Variants in CERS6 observed in about 807,000 individuals in gnomAD.
CERS6 encodes the protein ceramide synthase 6, also known as LAG1 homolog, ceramide synthase 6.
A neutral mutation model predicts 56.8 loss-of-function variants in CERS6; 26 were observed. The observed-to-expected ratio is 0.46, with a 90% CI of 0.34 to 0.63. CERS6 has a LOEUF of 0.63. Ranked by LOEUF, CERS6 falls within the 30% of genes least tolerant of loss-of-function variation. CERS6 has a pLI of 0.01. For missense variants in CERS6, 415 were observed against 467.5 expected (o/e 0.89, Z 1.04); for synonymous variants, 164 against 173.3 (o/e 0.95, Z 0.42).
chr2:168,534,105 T>A (rs1167334026), intron 1 of CERS6, among the ~76,000 whole-genome samples: 1 of 152,094 alleles, frequency 6.6e-6, no homozygotes, highest in East Asian at 1.9e-4. Context: ...GTTATTCTAG[T>A]TAGCAGCTCC....
chr2:168,577,105 A>G (rs780210281), intron 3 of CERS6, among the ~76,000 whole-genome samples: 1 of 152,154 alleles, frequency 6.6e-6, no homozygotes, highest in Non-Finnish European at 1.5e-5. Flanking sequence ...GTTGGTGAAT[A>G]GATAGTGTGT....
chr2:168,594,385 G>A (rs1341237165), intron 3 of CERS6, among the ~76,000 whole-genome samples: 2 of 152,156 alleles, frequency 1.3e-5, no homozygotes, highest in Non-Finnish European at 2.9e-5. Context: ...AGGAGTTTGA[G>A]ACCAGCCTGT....
intron 1 of CERS6, among the ~76,000 whole-genome samples, chr2:168,541,059 G>A (rs1695358949): frequency 6.6e-6 from 1 of 152,240 alleles, no homozygotes; most frequent in Non-Finnish European, 1.5e-5. Context: ...GATGGAAGGT[G>A]AAGGGGAGCT....
chr2:168,724,025 T>C (rs1683265779), intron 8 of CERS6, among the ~76,000 whole-genome samples: 1 of 152,208 alleles, frequency 6.6e-6, no homozygotes, highest in East Asian at 1.9e-4. Flanking sequence ...AATTGGTGGG[T>C]TCTTGGTCTC....
At chr2:168,713,145 T>G (rs1687135977) in intron 6 of CERS6, among the ~76,000 whole-genome samples, 1 of 152,150 alleles carries the variant, frequency 6.6e-6, no homozygotes, top group Non-Finnish European at 1.5e-5. Context: ...TAGTAAATGC[T>G]CAATCACTAT....
chr2:168,533,570 G>T (rs76755815), intron 1 of CERS6, among the ~76,000 whole-genome samples: 3,092 of 152,264 alleles, frequency 0.02, 119 homozygotes, highest in East Asian at 0.18. Context: ...ATGAGTTTCT[G>T]CTGAAAGATC....
At chr2:168,718,534 C>A (rs552214099) in intron 8 of CERS6, among the ~76,000 whole-genome samples, 7 of 152,306 alleles carry the variant, frequency 4.6e-5, no homozygotes, top group Non-Finnish European at 5.9e-5. Context: ...CTAGATAATT[C>A]TTTTCATTAG....
In CERS6 at chr2:168,773,766, G is replaced by C. The variant is rs1018374267; in HGVS notation, c.*4104G>C. 2 of 152,186 alleles carry C rather than the reference G, an allele frequency of 1.3e-5. No homozygotes were observed. Among genetic ancestry groups the C allele is most frequent in the Non-Finnish European group, 2.9e-5 (2 of 68,052 alleles). The allele number at this position is 152,186 out of a possible 1,614,324, so 9.4% of individuals were successfully genotyped here. ...AATTGTGCCATTGTCAAAGTACCCC[G>C]TAGTGATGAGCACTGACTGGTTCAC... On this transcript the variant is annotated 3_prime_UTR_variant, in exon 10 of 10. Coordinates refer to ENST00000305747, the MANE Select transcript of CERS6 (RefSeq NM_203463.3).
At chr2:168,459,610 A>C (rs981488136) in intron 1 of CERS6, among the ~76,000 whole-genome samples, 1 of 151,522 alleles carries the variant, frequency 6.6e-6, no homozygotes, top group Non-Finnish European at 1.5e-5. Flanking sequence ...CGACCAATTG[A>C]TTGACAGAGT....
Position 168,666,716 on chromosome 2 carries a change from T to C in CERS6, c.466-24318T>C, listed in dbSNP as rs570511955. ...ACTGTGTCTTTATAAAGGGCCTGCA[T>C]TGAGAACCCACATTGAGAAGCAGTT... On this transcript the variant is annotated intron_variant, in intron 4 of 9. Transcript: ENST00000305747. Among the ~76,000 whole-genome samples the C allele has an allele frequency of 5.0e-4, 76 of 152,362 alleles. No homozygotes were observed. In the Middle Eastern group the frequency reaches 0.01, roughly 20 times the overall value.
At chr2:168,593,538 G>T (rs1247698730) in intron 3 of CERS6, among the ~76,000 whole-genome samples, 1 of 151,942 alleles carries the variant, frequency 6.6e-6, no homozygotes, top group Non-Finnish European at 1.5e-5. Context: ...GTTTTGTTTT[G>T]TTTTGTTTTG....
At chr2:168,486,283 CTT>C (rs1156284746) in intron 1 of CERS6, among the ~76,000 whole-genome samples, 1 of 152,080 alleles carries the variant, frequency 6.6e-6, no homozygotes, top group African/African-American at 2.4e-5. Flanking sequence ...GATTTTCTCT[CTT>C]GTCCTTTTAT....
At chr2:168,673,451 C>G (rs1011669270) in intron 4 of CERS6, among the ~76,000 whole-genome samples, 1 of 152,192 alleles carries the variant, frequency 6.6e-6, no homozygotes, top group Non-Finnish European at 1.5e-5. Flanking sequence ...TGTCAAGTTT[C>G]CATTCGTGGG....
At chr2:168,753,636 T>A (rs1684338041) in intron 8 of CERS6, among the ~76,000 whole-genome samples, 1 of 152,242 alleles carries the variant, frequency 6.6e-6, no homozygotes, top group Non-Finnish European at 1.5e-5. Flanking sequence ...GATAATATGA[T>A]GCAGAATCTC....
At chr2:168,701,450 A>C (rs1559058359) in intron 6 of CERS6, among the ~76,000 whole-genome samples, 1 of 152,184 alleles carries the variant, frequency 6.6e-6, no homozygotes, top group African/African-American at 2.4e-5. Context: ...CCCAGTGTTG[A>C]AATTTTCACT....
intron 3 of CERS6, among the ~76,000 whole-genome samples, chr2:168,587,577 C>A (rs370151861): frequency 6.6e-6 from 1 of 152,158 alleles, no homozygotes; most frequent in Non-Finnish European, 1.5e-5. Flanking sequence ...TCTCTGTTTC[C>A]TTTGGCCAGA....
intron 8 of CERS6, among the ~76,000 whole-genome samples, chr2:168,744,453 A>G (rs1373757078): frequency 2.0e-5 from 3 of 152,116 alleles, no homozygotes; most frequent in African/African-American, 7.2e-5. Context: ...AGGAGTTTAC[A>G]AACGCATGCT....
chr2:168,643,261 A>C (rs1685090390), intron 4 of CERS6, among the ~76,000 whole-genome samples: 1 of 152,200 alleles, frequency 6.6e-6, no homozygotes, highest in African/African-American at 2.4e-5. Flanking sequence ...ATTTCTTGTG[A>C]ATTATAAAAA....
At chr2:168,665,674 G>A (rs1049099634) in intron 4 of CERS6, among the ~76,000 whole-genome samples, 7 of 151,934 alleles carry the variant, frequency 4.6e-5, no homozygotes, top group African/African-American at 1.7e-4. Context: ...TAGAAGCTCT[G>A]TGAGGCCAAG....
Sources: gnomAD v4.1 joint callset for allele counts (sites outside exome capture counted in the v4.1 genomes callset) on GRCh38, gnomAD v4.1.1 for gene constraint, MANE v1.5 for transcripts, NCBI Gene and HGNC (gene_info 2026-07-23, HGNC 2026-07-21) for gene names.